The following PLXNA4 variants were observed in gnomAD, a reference collection of about 807,000 sequenced individuals.
The protein encoded by PLXNA4 is plexin A4.
In PLXNA4, 44 loss-of-function variants were observed where a neutral mutation model predicts 191.8. The ratio of observed to expected loss-of-function variants is 0.23; its 90% CI spans 0.18 to 0.29. The LOEUF (loss-of-function observed/expected upper bound fraction) is 0.29, where lower values mean the gene tolerates loss of function less well. Among genes scored for constraint, PLXNA4 ranks in the 10% least tolerant of loss-of-function variants. PLXNA4 has a pLI of 1.00. For synonymous variants in PLXNA4, 1,082 were observed against 1,009.5 expected (o/e 1.07, Z -1.36); for missense variants, 1,800 against 2,488.8 (o/e 0.72, Z 5.89).
At chr7:132,466,740 T>A (rs1423553013) in intron 3 of PLXNA4, among the ~76,000 whole-genome samples, 3 of 152,314 alleles carry the variant, frequency 2.0e-5, no homozygotes, top group Non-Finnish European at 2.9e-5. Flanking sequence ...ATCTTTTCTT[T>A]TTCTCTTCTC....
intron 3 of PLXNA4, among the ~76,000 whole-genome samples, chr7:132,471,641 G>T (rs1396341359): frequency 6.6e-6 from 1 of 152,154 alleles, no homozygotes; most frequent in Non-Finnish European, 1.5e-5. Context: ...GGGCCTTCTA[G>T]ATCTTGTTTC....
intron 3 of PLXNA4, among the ~76,000 whole-genome samples, chr7:132,402,709 C>T (rs1217979124): frequency 2.0e-5 from 3 of 152,218 alleles, no homozygotes; most frequent in East Asian, 1.9e-4. Context: ...CTCAGTCCAT[C>T]GGATCAATCA....
rs1487074724 is a variant in PLXNA4, at chr7:132,198,586, T to C, written c.2637A>G (p.Arg879=). 1.2e-6 allele frequency: 2 copies of C among 1,614,198 alleles called. No individual in the cohort carries two copies. The highest frequency in any genetic ancestry group is 3.3e-5 in the Admixed American group (2 of 60,028). Residue 879 remains arginine (R), a synonymous_variant, in exon 13 of 32, where the codon CGA becomes CGG. Transcript: ENST00000321063. The stretch of plus-strand genomic sequence containing the variant: ...GAAATTCCAGGCCCAGGTTCTCCCC[T>C]CGGATAGTGACCTTGGTGCCCCCTT... ...PREGGTKVTI[R]GENLGLEFRD...
intron 1 of PLXNA4, among the ~76,000 whole-genome samples, chr7:132,561,896 C>CT (rs1801140177): frequency 7.0e-6 from 1 of 142,148 alleles, no homozygotes; most frequent in Non-Finnish European, 1.5e-5. Context: ...CTGCCTTCTC[C>CT]TTCTCCTTCT....
intron 4 of PLXNA4, among the ~76,000 whole-genome samples, chr7:132,252,654 A>G (rs1412526821): frequency 6.6e-6 from 1 of 152,126 alleles, no homozygotes; most frequent in East Asian, 1.9e-4. Flanking sequence ...GATTAGCACA[A>G]CCATTTTGAG....
At chr7:132,314,401 C>T (rs910723356) in intron 3 of PLXNA4, among the ~76,000 whole-genome samples, 21 of 152,164 alleles carry the variant, frequency 1.4e-4, no homozygotes, top group Admixed American at 7.9e-4. Context: ...TGGTGTGGCC[C>T]CTTCTCCCCA....
intron 3 of PLXNA4, among the ~76,000 whole-genome samples, chr7:132,375,625 G>A (rs1804630167): frequency 6.6e-6 from 1 of 152,220 alleles, no homozygotes; most frequent in Non-Finnish European, 1.5e-5. Flanking sequence ...CCCAGTAGCA[G>A]TCCAGGAAAG....
At chr7:132,409,321 T>A (rs559419750) in intron 3 of PLXNA4, among the ~76,000 whole-genome samples, 19 of 152,242 alleles carry the variant, frequency 1.2e-4, no homozygotes, top group Middle Eastern at 3.4e-3. Flanking sequence ...GCAGGACAGA[T>A]CCCATGTCCT....
intron 3 of PLXNA4, among the ~76,000 whole-genome samples, chr7:132,429,588 C>A (rs1268930679): frequency 6.6e-6 from 1 of 152,118 alleles, no homozygotes; most frequent in African/African-American, 2.4e-5. Flanking sequence ...ATATATTGTT[C>A]TTTTGATTTT....
At chr7:132,226,780 C>G (rs764465550) in intron 7 of PLXNA4, among the ~76,000 whole-genome samples, 2 of 152,218 alleles carry the variant, frequency 1.3e-5, no homozygotes, top group Non-Finnish European at 2.9e-5. Flanking sequence ...CAGGGAGGAG[C>G]TGCAGCCCAT....
chr7:132,303,692 G>A (rs897814867), intron 3 of PLXNA4, among the ~76,000 whole-genome samples: 11 of 152,182 alleles, frequency 7.2e-5, no homozygotes, highest in South Asian at 4.1e-4. Context: ...GTCCCTTGAC[G>A]GAGCGACACA....
intron 13 of PLXNA4, 137 bp from the exon 14 acceptor site, chr7:132,194,316 T>A: frequency 7.4e-7 from 1 of 1,343,362 alleles, no homozygotes. Context: ...GGGGAAGATA[T>A]CCTAATTCCT....
intron 2 of PLXNA4, among the ~76,000 whole-genome samples, chr7:132,502,808 G>A (rs1039828802): frequency 6.6e-6 from 1 of 152,158 alleles, no homozygotes; most frequent in Non-Finnish European, 1.5e-5. Context: ...GAAAAGTTGT[G>A]AGAAAGCCCT....
chr7:132,624,498 T>G (rs1215097162), intron 2 of PLXNA4, among the ~76,000 whole-genome samples: 2 of 152,124 alleles, frequency 1.3e-5, no homozygotes, highest in Non-Finnish European at 2.9e-5. Context: ...GGTGTGTGTG[T>G]GGGAAGAATA....
At chr7:132,559,240 G>A (rs1462323171) in intron 1 of PLXNA4, among the ~76,000 whole-genome samples, 1 of 152,160 alleles carries the variant, frequency 6.6e-6, no homozygotes, top group Non-Finnish European at 1.5e-5. Context: ...GAGGCATGAG[G>A]AGGAATGAAC....
chr7:132,534,376 C>CT (rs1395119749), intron 1 of PLXNA4, among the ~76,000 whole-genome samples: 1 of 152,132 alleles, frequency 6.6e-6, no homozygotes, highest in Non-Finnish European at 1.5e-5. Flanking sequence ...GCCCATGAAA[C>CT]AGCAGCAACT....
At chr7:132,238,045 A>T (rs55721079) in intron 5 of PLXNA4, among the ~76,000 whole-genome samples, 1 of 152,140 alleles carries the variant, frequency 6.6e-6, no homozygotes, top group African/African-American at 2.4e-5. Context: ...TGCCGCTTAA[A>T]ATAGTCCCCG....
chr7:132,283,467 A>G (rs1800563230), intron 4 of PLXNA4, among the ~76,000 whole-genome samples: 1 of 152,238 alleles, frequency 6.6e-6, no homozygotes, highest in Non-Finnish European at 1.5e-5. Context: ...GAGCAAGCCA[A>G]ACATCAGTTA....
intron 3 of PLXNA4, among the ~76,000 whole-genome samples, chr7:132,353,096 C>T (rs1803557629): frequency 1.3e-5 from 2 of 152,130 alleles, no homozygotes; most frequent in African/African-American, 4.8e-5. Context: ...AATTTCCACG[C>T]TTGTTTTTAG....
Sources: allele counts gnomAD v4.1 joint callset (sites outside exome capture counted in the v4.1 genomes callset), GRCh38; gene constraint gnomAD v4.1.1; transcripts MANE v1.5; gene names NCBI Gene and HGNC (gene_info 2026-07-23, HGNC 2026-07-21).